The following NFAT5 variants were observed in gnomAD, a reference collection of about 807,000 sequenced individuals.
NFAT5 encodes nuclear factor of activated T-cells 5.
Under a neutral mutation model 166.5 loss-of-function variants are expected in NFAT5, and 31 were observed. That is an observed-to-expected ratio of 0.19 (90% CI 0.14 to 0.25). The LOEUF (loss-of-function observed/expected upper bound fraction) is 0.25. Ranked by LOEUF, NFAT5 falls within the 10% of genes least tolerant of loss-of-function variation. NFAT5 has a pLI of 1.00. For missense variants in NFAT5, 1,449 were observed against 1,821.8 expected (o/e 0.80, Z 3.72); for synonymous variants, 612 against 639.7 (o/e 0.96, Z 0.65).
chr16:69,641,107 G>T (rs564288933), intron 3 of NFAT5, among the ~76,000 whole-genome samples: 1 of 150,792 alleles, frequency 6.6e-6, no homozygotes, highest in Non-Finnish European at 1.5e-5. Context: ...GTGAAACCCC[G>T]TCTCTACTAA....
At position 69,691,889 on chromosome 16, in the gene NFAT5, C is replaced by T. The variant is rs751077226; in HGVS notation, c.2064C>T (p.Tyr688=). 4 of 1,614,176 alleles carry T rather than the reference C, an allele frequency of 2.5e-6. No individual in the cohort carries two copies. In the South Asian group the frequency reaches 4.4e-5, roughly 18 times the overall value. The part of the protein sequence containing the change: ...EKQQQIQPKA[Y]NPETLTTIQT... ...AGCAGCAGATTCAGCCCAAGGCATA[C>T]AACCCAGAGACCCTGACAACTATTC... Residue 688 remains tyrosine (Y), a synonymous_variant, in exon 13 of 15, where the codon TAC becomes TAT. Transcript: ENST00000349945.
intron 2 of NFAT5, among the ~76,000 whole-genome samples, chr16:69,573,305 A>T (rs2016547850): frequency 6.6e-6 from 1 of 152,190 alleles, no homozygotes; most frequent in African/African-American, 2.4e-5. Context: ...GCAAAAATGG[A>T]AAATCCTAAA....
At chr16:69,575,601 G>C (rs942399631) in intron 2 of NFAT5, among the ~76,000 whole-genome samples, 1 of 151,852 alleles carries the variant, frequency 6.6e-6, no homozygotes, top group Non-Finnish European at 1.5e-5. Flanking sequence ...CTGGGCAACA[G>C]AGCAAGACCC....
At chr16:69,586,980 T>C (rs537389237) in intron 2 of NFAT5, among the ~76,000 whole-genome samples, 1 of 152,354 alleles carries the variant, frequency 6.6e-6, no homozygotes, top group South Asian at 2.1e-4. Context: ...AAACCCAAGA[T>C]AACTGCTATA....
rs2035469289 is a variant in NFAT5, at chr16:69,647,122, C to A, written c.348C>A (p.Thr116=). 1 of 1,613,706 alleles carries A rather than the reference C, an allele frequency of 6.2e-7. No individual in the cohort carries two copies. Among genetic ancestry groups the A allele is most frequent in the African/African-American group, 1.3e-5 (1 of 74,904 alleles). The change falls in exon 4 of 15, where the codon ACC becomes ACA. Residue 116 remains threonine (T), a synonymous_variant. Transcript: ENST00000349945. The surrounding 1 kb of genome is among the most constrained non-coding windows in gnomAD (Gnocchi z 4.8). ...CTACCATTTATTCTACCTCAGTCAC[C>A]GACAGCAAGGCTATGCAAGTGGAGA... The part of the protein sequence containing the change: ...SSPTIYSTSV[T]DSKAMQVESC...
chr16:69,692,924 G>T lies in NFAT5; in HGVS notation c.3099G>T (p.Gly1033=). Residue 1033 remains glycine, a synonymous_variant, in exon 13 of 15, where the codon GGG becomes GGT. Transcript: ENST00000349945. ...CCATGGTCCAAATGCAACATAGTGG[G>T]GACAATCAACCTCAAGTTAACCTTT... ...FQTMVQMQHS[G]DNQPQVNLFS... The T allele has an allele frequency of 1.2e-6, 2 of 1,614,094 alleles. No homozygotes were observed. The highest frequency in any genetic ancestry group is 1.1e-5 in the South Asian group (1 of 91,076).
At chr16:69,628,346 A>G (rs952053401) in intron 3 of NFAT5, among the ~76,000 whole-genome samples, 10 of 152,112 alleles carry the variant, frequency 6.6e-5, no homozygotes, top group African/African-American at 1.7e-4. Context: ...GAAGTAATGC[A>G]TTCTTATTAT....
At chr16:69,643,071 G>T (rs902229833) in intron 3 of NFAT5, among the ~76,000 whole-genome samples, 5 of 151,810 alleles carry the variant, frequency 3.3e-5, no homozygotes, top group African/African-American at 1.2e-4. Flanking sequence ...ACAGAAATTA[G>T]CTGGGCGTGG....
At chr16:69,695,450 TAATAGTAGTTCTAATCTTTTAAAA>T in intron 14 of NFAT5, 71 bp downstream of exon 14, 1 of 1,027,052 alleles carries the variant, frequency 9.7e-7, no homozygotes, top group Non-Finnish European at 1.5e-6. Flanking sequence ...TTAGGTTAAG[TAATAGTAGTTCTAATCTTTTAAAA>T]TGTGGCTTTC....
intron 4 of NFAT5, among the ~76,000 whole-genome samples, chr16:69,652,453 GAAA>G (rs74216983): frequency 5.1e-4 from 31 of 60,654 alleles, no homozygotes; most frequent in African/African-American, 2.0e-3. Context: ...CTCCATCTCA[GAAA>G]AAAAAAAAAA....
intron 2 of NFAT5, among the ~76,000 whole-genome samples, chr16:69,570,247 T>G (rs2016351870): frequency 6.6e-6 from 1 of 152,182 alleles, no homozygotes; most frequent in Non-Finnish European, 1.5e-5. Context: ...TGTATAAGTA[T>G]CAATTCTGTC....
rs1000716592 is a variant in NFAT5, at chr16:69,691,893, C to T, written c.2068C>T (p.Pro690Ser). 2 of 1,614,142 alleles carry T rather than the reference C, an allele frequency of 1.2e-6. No homozygotes were observed. Among genetic ancestry groups the T allele is most frequent in the Non-Finnish European group, 1.7e-6 (2 of 1,180,024 alleles). The change falls in exon 13 of 15, where the codon CCA becomes TCA. Residue 690 changes from proline to serine, a missense_variant. By Grantham distance (74) the Pro-to-Ser change is moderately conservative. This residue lies in a region of NFAT5 where 891 missense variants were observed against 993.0 expected (regional missense o/e 0.90). Transcript: ENST00000349945. Reference sequence around the variant, plus strand: ...GCAGATTCAGCCCAAGGCATACAACCCAGAGACCCTGACAACTATTCAAAC... The same window carrying T: ...GCAGATTCAGCCCAAGGCATACAACTCAGAGACCCTGACAACTATTCAAAC... ...QQQIQPKAYN[P>S]ETLTTIQTQD...
At chr16:69,610,751 T>G (rs1430608966) in intron 2 of NFAT5, among the ~76,000 whole-genome samples, 1 of 152,252 alleles carries the variant, frequency 6.6e-6, no homozygotes, top group Non-Finnish European at 1.5e-5. Flanking sequence ...AAATTCTTGC[T>G]TTTAATGTGA....
intron 3 of NFAT5, among the ~76,000 whole-genome samples, chr16:69,633,158 A>G (rs988543672): frequency 6.6e-6 from 1 of 152,132 alleles, no homozygotes; most frequent in Non-Finnish European, 1.5e-5. Flanking sequence ...TGTTCCTTTA[A>G]TATTTCTCTT....
chr16:69,695,160 G>C lies in NFAT5; in HGVS notation c.4439G>C (p.Gly1480Ala). 2 of 1,613,974 alleles carry C rather than the reference G, an allele frequency of 1.2e-6. No homozygotes were observed. Among genetic ancestry groups the C allele is most frequent in the Non-Finnish European group, 8.5e-7 (1 of 1,180,006 alleles). The change falls in exon 14 of 15, where the codon GGA (glycine) becomes GCA (alanine). Residue 1480 changes from glycine (G) to alanine (A), a missense_variant. Coordinates refer to ENST00000349945, the MANE Select transcript of NFAT5 (RefSeq NM_138713.4). ...GACTGTAGTCAGCTTTTAACCTCTG[G>C]ACCAGCTACATTGCCTGATCAGTTG... ...QNNCSQLLTS[G>A]PATLPDQLMA...
chr16:69,620,566 T>C (rs1280988763), intron 2 of NFAT5, among the ~76,000 whole-genome samples: 1 of 152,022 alleles, frequency 6.6e-6, no homozygotes, highest in Non-Finnish European at 1.5e-5. Flanking sequence ...AGACCGCGTC[T>C]CTACAAAAAA....
chr16:69,630,062 G>A (rs1304216060), intron 3 of NFAT5, among the ~76,000 whole-genome samples: 2 of 151,816 alleles, frequency 1.3e-5, no homozygotes, highest in African/African-American at 4.8e-5. Context: ...TCAGCCTCCC[G>A]AGTAGCTGGG....
intron 12 of NFAT5, 135 bp from the exon 13 acceptor site, chr16:69,691,614 T>C (rs2037547661): frequency 1.5e-6 from 1 of 664,142 alleles, no homozygotes; most frequent in Admixed American, 3.1e-5. Context: ...CCTGTACCTG[T>C]TTTCTAAATG....
At position 69,647,364 on chromosome 16, in the gene NFAT5, C is replaced by T. The variant is rs759080753; in HGVS notation, c.590C>T (p.Ser197Phe). 1 of 1,613,618 alleles carries T rather than the reference C, an allele frequency of 6.2e-7. No homozygotes were observed. Among genetic ancestry groups the T allele is most frequent in the African/African-American group, 1.3e-5 (1 of 74,864 alleles). ...AGCTGCAGTATGTGGATGGAGGATTCCCCCTCCAACTTCAGTAACATGAGC... is the reference window on the plus strand; with the variant it reads ...AGCTGCAGTATGTGGATGGAGGATTTCCCCTCCAACTTCAGTAACATGAGC... ...EQSCSMWMEDSPSNFSNMSTS... is the reference protein window; with the variant it reads ...EQSCSMWMEDFPSNFSNMSTS... The change falls in exon 4 of 15, where the codon TCC becomes TTC. Residue 197 changes from serine to phenylalanine, a missense_variant. Physicochemically the swap from Ser to Phe is radical, Grantham distance 155 (BLOSUM62 -2). Transcript: ENST00000349945. This position sits in a 1 kb window ranked among gnomAD's most constrained non-coding sequence, Gnocchi z 4.8.
Sources: allele counts gnomAD v4.1 joint callset (sites outside exome capture counted in the v4.1 genomes callset), GRCh38; gene constraint gnomAD v4.1.1; regional missense constraint gnomAD v4.1.1; non-coding constraint Gnocchi (gnomAD v3.1); transcripts MANE v1.5; gene names NCBI Gene and HGNC (gene_info 2026-07-23, HGNC 2026-07-21).